Variants in RPP14 observed in about 807,000 individuals in gnomAD.
RPP14 encodes the protein ribonuclease P/MRP subunit p14, also known as ribonuclease P protein subunit p14.
In RPP14, 19 loss-of-function variants were observed where a neutral mutation model predicts 17.8. The ratio of observed to expected loss-of-function variants is 1.07; its 90% CI spans 0.74 to 1.57. The LOEUF (loss-of-function observed/expected upper bound fraction) is 1.57, where lower values mean the gene tolerates loss of function less well. RPP14 is among the 40% of genes most tolerant of loss of function. RPP14 has a pLI of 0.00. For missense variants in RPP14, 125 were observed against 140.8 expected, an observed-to-expected ratio of 0.89 and a Z score of 0.57; for synonymous variants, 60 against 56.4, an observed-to-expected ratio of 1.06 and a Z score of -0.29.
chr3:58,314,130 T>A lies in RPP14; in HGVS notation c.163-2385T>A, dbSNP rs2097485361. Among the ~76,000 whole-genome samples the A allele has an allele frequency of 2.0e-5, 3 of 152,116 alleles. 1 individual carries two copies. The South Asian group carries it at 6.2e-4, about 32-fold the overall frequency. On this transcript the variant is annotated intron_variant, in intron 3 of 5. Transcript: ENST00000295959. Reference sequence around the variant, plus strand: ...CTTTGGGAGGCCGAGGTGGGTTGATTGCCTGAGGTCAGGAGTTTGAGACCA... The same window carrying A: ...CTTTGGGAGGCCGAGGTGGGTTGATAGCCTGAGGTCAGGAGTTTGAGACCA...
At chr3:58,311,603 A>G (rs1241000726) in intron 3 of RPP14, among the ~76,000 whole-genome samples, 2 of 151,692 alleles carry the variant, frequency 1.3e-5, no homozygotes, top group African/African-American at 4.8e-5. Flanking sequence ...GCTGAATAAT[A>G]TTCCATTGTA....
rs2097491782 is a variant in RPP14 at position 58,319,202 on chromosome 3, G to A, written c.*1706G>A. ...TTTTAGACTGTTCTTCAGTATCTGA[G>A]TCAGAGTTTATTGTAATTTGTTATT... On this transcript the variant is annotated 3_prime_UTR_variant, in exon 6 of 6. Coordinates refer to ENST00000295959, the MANE Select transcript of RPP14 (RefSeq NM_007042.6). The A allele has an allele frequency of 6.6e-6, 1 of 152,170 alleles. No homozygotes were observed. Among genetic ancestry groups the A allele is most frequent in the Admixed American group, 6.5e-5 (1 of 15,268 alleles). The allele number at this position is 152,170 out of a possible 1,614,324, so 9.4% of individuals were successfully genotyped here.
chr3:58,316,350 C>A, intron 3 of RPP14, 165 bp from the exon 4 acceptor site: 3 of 615,640 alleles, frequency 4.9e-6, no homozygotes, highest in Non-Finnish European at 8.7e-6. Context: ...GCAGAACATT[C>A]TAGGCAGGGG....
At chr3:58,310,980 AAT>A (rs1441423855) in intron 3 of RPP14, among the ~76,000 whole-genome samples, 1,744 of 135,854 alleles carry the variant, frequency 0.013, 39 homozygotes, top group African/African-American at 0.045. Flanking sequence ...AAAAAAAAAA[AAT>A]AAATTATACA....
rs1387700448 is a variant in RPP14 at position 58,317,464 on chromosome 3, T to C, written c.343T>C (p.Ser115Pro). The C allele has an allele frequency of 6.2e-7, 1 of 1,601,966 alleles. No homozygotes were observed. Among genetic ancestry groups the C allele is most frequent in the Admixed American group, 1.7e-5 (1 of 59,514 alleles). ...GGTTTCTCCATTTCTTCTTGCATTA[T>C]CTGGTAATAGTAGGGAACTAGTATT... is the stretch of plus-strand genomic sequence containing the variant. ...IQVSPFLLAL[S>P]GNSRELVLD The change falls in exon 6 of 6, where the codon TCT (serine) becomes CCT (proline). Residue 115 changes from serine to proline, a missense_variant. Physicochemically the swap from Ser to Pro is moderately conservative, Grantham distance 74. Transcript: ENST00000295959.
At chr3:58,307,180 A>G (rs751135543) in intron 1 of RPP14, among the ~76,000 whole-genome samples, 3 of 152,212 alleles carry the variant, frequency 2.0e-5, no homozygotes, top group Admixed American at 6.5e-5. Flanking sequence ...ATGGCAGGAC[A>G]TGAAGTCAGA....
At chr3:58,310,157 T>C in intron 1 of RPP14, 152 bp from the exon 2 acceptor site, 1 of 607,012 alleles carries the variant, frequency 1.6e-6, no homozygotes, top group East Asian at 2.8e-5. Flanking sequence ...CAGTGAACTC[T>C]GATTGTACCA....
In RPP14 at chr3:58,314,675, A is replaced by ATTTTTTTTTTTT. The variant is rs751757663; in HGVS notation, c.163-1826_163-1815dup. ...CCACTCTGGAACATAGTTTGGCAGT[A>ATTTTTTTTTTTT]TTTTTTTTTTTTTTTTTTTTTTTTT... On this transcript the variant is annotated intron_variant, in intron 3 of 5. Transcript: ENST00000295959. Among the ~76,000 whole-genome samples, 48 of 90,582 alleles carry ATTTTTTTTTTTT rather than the reference A, an allele frequency of 5.3e-4. 1 individual carries two copies. The highest frequency in any genetic ancestry group is 2.0e-3 in the East Asian group (5 of 2,534). The allele number at this position is 90,582 out of a possible 152,430, so 59.4% of individuals were successfully genotyped here.
rs2097474586 is a variant in RPP14, at chr3:58,306,431, T to C, written c.-22+14T>C. The C allele has an allele frequency of 6.6e-6, 1 of 152,302 alleles. No individual in the cohort carries two copies. The highest frequency in any genetic ancestry group is 1.5e-5 in the Non-Finnish European group (1 of 68,096). The allele number at this position is 152,302 out of a possible 1,614,324, so 9.4% of individuals were successfully genotyped here. ...GACGAAGAGTGGGTAGGTGGAAGCC[T>C]TCCAAAGAGCGGCGGTTGTCTGGGA... On this transcript the variant is annotated intron_variant, in intron 1 of 5. Coordinates refer to ENST00000295959, the MANE Select transcript of RPP14 (RefSeq NM_007042.6).
At chr3:58,316,024 A>T (rs996467413) in intron 3 of RPP14, among the ~76,000 whole-genome samples, 2 of 152,116 alleles carry the variant, frequency 1.3e-5, no homozygotes, top group Admixed American at 6.6e-5. Context: ...TAATTTTTTT[A>T]AATACAAAAT....
chr3:58,310,629 C>CT (rs2097481194), intron 3 of RPP14, 38 bp downstream of exon 3: 1 of 1,550,812 alleles, frequency 6.4e-7, no homozygotes, highest in Non-Finnish European at 8.8e-7. Flanking sequence ...TTCCAAAGAT[C>CT]TTTGTAAGAA....
In RPP14 at chr3:58,319,939, T is replaced by C. The variant is rs939402506; in HGVS notation, c.*2443T>C. The C allele has an allele frequency of 6.6e-6, 1 of 152,208 alleles. No homozygotes were observed. Among genetic ancestry groups the C allele is most frequent in the Non-Finnish European group, 1.5e-5 (1 of 68,040 alleles). The allele number at this position is 152,208 out of a possible 1,614,324, so 9.4% of individuals were successfully genotyped here. ...CACCAAATCAATTTTTTATAGCATT[T>C]TTCATCACCCCCAAAAGAACCTCCC... On this transcript the variant is annotated 3_prime_UTR_variant, in exon 6 of 6. Transcript: ENST00000295959.
chr3:58,311,311 T>C (rs2097482004), intron 3 of RPP14, among the ~76,000 whole-genome samples: 1 of 152,178 alleles, frequency 6.6e-6, no homozygotes, highest in Non-Finnish European at 1.5e-5. Context: ...CACGCTACCA[T>C]GCCCAACTAA....
In RPP14 at chr3:58,320,064, A is replaced by AT. The variant is rs2097492916; in HGVS notation, c.*2569dup. 6.6e-6 allele frequency: 1 copy of AT among 152,174 alleles called. No individual in the cohort carries two copies. The highest frequency in any genetic ancestry group is 1.5e-5 in the Non-Finnish European group (1 of 68,032). The allele number at this position is 152,174 out of a possible 1,614,324, so 9.4% of individuals were successfully genotyped here. On this transcript the variant is annotated 3_prime_UTR_variant, in exon 6 of 6. Coordinates refer to ENST00000295959, the MANE Select transcript of RPP14 (RefSeq NM_007042.6). ...TGTTCTGGACATTTCATAAAAGTTC[A>AT]TACAATGTATGATCCTTTGGAACTG...
intron 3 of RPP14, among the ~76,000 whole-genome samples, chr3:58,314,218 G>A (rs746205920): frequency 1.3e-5 from 2 of 152,198 alleles, no homozygotes; most frequent in African/African-American, 2.4e-5. Flanking sequence ...GGGCGTGGTG[G>A]CACATGCCTG....
chr3:58,316,456 G>A, intron 3 of RPP14, 59 bp from the exon 4 acceptor site: 1 of 1,468,396 alleles, frequency 6.8e-7, no homozygotes, highest in Non-Finnish European at 9.5e-7. Context: ...GTCAAAAGTT[G>A]ACAAGCATTC....
rs761599490 is a variant in RPP14, at chr3:58,317,508, T to G, written c.*12T>G. 2.8e-5 allele frequency: 44 copies of G among 1,554,144 alleles called. No homozygotes were observed. The highest frequency in any genetic ancestry group is 3.3e-5 in the Non-Finnish European group (37 of 1,129,620). ...TAGTATTGGATTGAATGAATAGTCT[T>G]CCATTTTGGAAACGTTCATCCACTC... On this transcript the variant is annotated 3_prime_UTR_variant, in exon 6 of 6. Transcript: ENST00000295959.
intron 1 of RPP14, among the ~76,000 whole-genome samples, chr3:58,308,172 G>A (rs147139555): frequency 1.6e-3 from 245 of 152,242 alleles, no homozygotes; most frequent in African/African-American, 5.7e-3. Flanking sequence ...GAAGCATCAG[G>A]TAACTATTTC....
chr3:58,318,017 G>A lies in RPP14; in HGVS notation c.*521G>A, dbSNP rs760272949. 3.4e-5 allele frequency: 24 copies of A among 702,680 alleles called. No homozygotes were observed. The Middle Eastern group carries it at 1.4e-3, about 40-fold the overall frequency. 43.5% of individuals were successfully genotyped at this position (702,680 alleles called of 1,614,324 possible). ...TCTGCAGAAGTGAAAAAGCTGAAGC[G>A]GTTCATTGCTATTATTGCAGTGTCA... On this transcript the variant is annotated 3_prime_UTR_variant, in exon 6 of 6. Transcript: ENST00000295959.
Sources: gnomAD v4.1 joint callset for allele counts (sites outside exome capture counted in the v4.1 genomes callset) on GRCh38, gnomAD v4.1.1 for gene constraint, MANE v1.5 for transcripts, NCBI Gene and HGNC (gene_info 2026-07-23, HGNC 2026-07-21) for gene names.